PARD3B: variants seen among roughly 807,000 people sequenced by gnomAD.
PARD3B encodes the protein partitioning defective 3 homolog B.
In PARD3B, 103 loss-of-function variants were observed where a neutral mutation model predicts 130.2. The ratio of observed to expected loss-of-function variants is 0.79; its 90% CI spans 0.67 to 0.93. The LOEUF is 0.93. PARD3B is among the 40% of genes least tolerant of loss of function. PARD3B has a pLI of 0.00. For missense variants in PARD3B, 1,609 were observed against 1,499.2 expected (o/e 1.07, Z -1.21); for synonymous variants, 583 against 553.2 (o/e 1.05, Z -0.76).
intron 18 of PARD3B, among the ~76,000 whole-genome samples, chr2:205,328,797 G>T (rs2043018257): frequency 6.6e-6 from 1 of 151,984 alleles, no homozygotes; most frequent in Non-Finnish European, 1.5e-5. Context: ...GTATAATATT[G>T]TTCTTGAAGG....
At position 205,436,948 on chromosome 2, in the gene PARD3B, C is replaced by G. The variant is rs115945637; in HGVS notation, c.2742-3422C>G. On this transcript the variant is annotated intron_variant, in intron 19 of 22. Coordinates refer to ENST00000406610, the MANE Select transcript of PARD3B (RefSeq NM_001302769.2). Reference sequence around the variant, plus strand: ...TGGGAGACCTGCTCAGGGGAAATATCTCTCTTCTGTCTCTGCCTCTCCTCC... The same window carrying G: ...TGGGAGACCTGCTCAGGGGAAATATGTCTCTTCTGTCTCTGCCTCTCCTCC... Among the ~76,000 whole-genome samples the G allele has an allele frequency of 9.0e-3, 1,372 of 151,954 alleles. 22 individuals carry two copies. Among genetic ancestry groups the G allele is most frequent in the African/African-American group, 0.031 (1,294 of 41,448 alleles).
chr2:205,024,162 C>CTTTTTTTTTTTTTTTTT (rs1172893472), intron 3 of PARD3B, among the ~76,000 whole-genome samples: 5 of 98,744 alleles, frequency 5.1e-5, no homozygotes, highest in Non-Finnish European at 7.8e-5. Flanking sequence ...TTCTTTCTTT[C>CTTTTTTTTTTTTTTTTT]TTTTTTTTTT....
At chr2:204,639,884 T>C (rs561461055) in intron 1 of PARD3B, among the ~76,000 whole-genome samples, 3 of 152,288 alleles carry the variant, frequency 2.0e-5, no homozygotes, top group African/African-American at 7.2e-5. Flanking sequence ...GCATGTGACA[T>C]AGGAACACAG....
chr2:205,198,682 A>C (rs964286056), intron 15 of PARD3B, among the ~76,000 whole-genome samples: 18 of 152,116 alleles, frequency 1.2e-4, no homozygotes, highest in Admixed American at 6.6e-4. Flanking sequence ...CAGCTCAAAG[A>C]TGAGCATGAA....
chr2:205,574,069 CA>C (rs1316993025), intron 22 of PARD3B, among the ~76,000 whole-genome samples: 11 of 152,138 alleles, frequency 7.2e-5, no homozygotes, highest in Non-Finnish European at 1.3e-4. Flanking sequence ...AAAGATAAAA[CA>C]CTTATTTCAA....
chr2:204,756,048 C>T (rs1273637836), intron 2 of PARD3B, among the ~76,000 whole-genome samples: 2 of 151,968 alleles, frequency 1.3e-5, no homozygotes, highest in Non-Finnish European at 2.9e-5. Flanking sequence ...TAGTATACGT[C>T]CTGGTGGTGA....
intron 15 of PARD3B, among the ~76,000 whole-genome samples, chr2:205,224,401 GAA>G (rs1323572406): frequency 2.4e-5 from 3 of 124,630 alleles, no homozygotes; most frequent in African/African-American, 6.2e-5. Flanking sequence ...AAGAAAGAAA[GAA>G]AAAGAAAAAG....
chr2:204,844,347 G>A (rs1392835514), intron 2 of PARD3B, among the ~76,000 whole-genome samples: 1 of 152,080 alleles, frequency 6.6e-6, no homozygotes, highest in Non-Finnish European at 1.5e-5. Context: ...CTCATTCTGA[G>A]TCATTGCTTA....
intron 2 of PARD3B, among the ~76,000 whole-genome samples, chr2:204,880,949 T>C (rs1239210301): frequency 6.6e-6 from 1 of 152,120 alleles, no homozygotes; most frequent in African/African-American, 2.4e-5. Context: ...TCATATTTCA[T>C]TAAGAAAAAA....
At chr2:204,732,519 T>G (rs562412276) in intron 2 of PARD3B, among the ~76,000 whole-genome samples, 1 of 151,922 alleles carries the variant, frequency 6.6e-6, no homozygotes, top group East Asian at 1.9e-4. Context: ...TTTTTTTTTT[T>G]TTTGAGACGG....
intron 4 of PARD3B, among the ~76,000 whole-genome samples, chr2:205,097,103 G>A (rs1702445425): frequency 6.6e-6 from 1 of 152,108 alleles, no homozygotes; most frequent in African/African-American, 2.4e-5. Context: ...TCTTGCATAT[G>A]TTCAGGTATG....
chr2:205,577,334 T>C (rs369979764), intron 22 of PARD3B, among the ~76,000 whole-genome samples: 10 of 152,302 alleles, frequency 6.6e-5, no homozygotes, highest in African/African-American at 2.4e-4. Flanking sequence ...GTATATTTTT[T>C]AGTATCCTGT....
chr2:205,407,223 T>C lies in PARD3B; in HGVS notation c.2741+6100T>C, dbSNP rs1306545579. ...TTCTTAATCTCAAGTAAGAGATTTC[T>C]CAGCTTATGATGTGTCACCTCCTGT... is the stretch of plus-strand genomic sequence containing the variant. On this transcript the variant is annotated intron_variant, in intron 19 of 22. Coordinates refer to ENST00000406610, the MANE Select transcript of PARD3B (RefSeq NM_001302769.2). This position sits in a 1 kb window ranked among gnomAD's most constrained non-coding sequence, Gnocchi z 4.1. 6.6e-6 allele frequency among the ~76,000 whole-genome samples: 1 copy of C among 152,194 alleles called. No homozygotes were observed. The highest frequency in any genetic ancestry group is 1.5e-5 in the Non-Finnish European group (1 of 68,034).
chr2:204,601,808 A>G (rs942887280), intron 1 of PARD3B, among the ~76,000 whole-genome samples: 1 of 152,068 alleles, frequency 6.6e-6, no homozygotes, highest in Non-Finnish European at 1.5e-5. Flanking sequence ...TTCAAAGGCA[A>G]GATTTCATCT....
intron 2 of PARD3B, among the ~76,000 whole-genome samples, chr2:204,869,839 A>C (rs762607223): frequency 2.6e-5 from 4 of 152,154 alleles, no homozygotes; most frequent in Non-Finnish European, 5.9e-5. Context: ...ATTGTTTTAA[A>C]GATATGTGTC....
rs565920313 is a variant in PARD3B at position 205,289,846 on chromosome 2, G to A, written c.2186-10684G>A. 3.3e-5 allele frequency among the ~76,000 whole-genome samples: 5 copies of A among 152,300 alleles called. No individual in the cohort carries two copies. In the South Asian group the frequency reaches 8.3e-4, roughly 25 times the overall value. ...GAGCCCCCTCAACGTGTGATGCCCT[G>A]TGCTGCCTTGGGACTCTGCAGAGAG... is the stretch of plus-strand genomic sequence containing the variant. On this transcript the variant is annotated intron_variant, in intron 16 of 22. Transcript: ENST00000406610.
At chr2:205,054,718 A>G (rs539569067) in intron 4 of PARD3B, among the ~76,000 whole-genome samples, 1 of 151,870 alleles carries the variant, frequency 6.6e-6, no homozygotes, top group African/African-American at 2.4e-5. Flanking sequence ...CTAATCCCTT[A>G]GATGCCCAAG....
chr2:205,240,482 G>A (rs1279718106), intron 15 of PARD3B, among the ~76,000 whole-genome samples: 1 of 152,082 alleles, frequency 6.6e-6, no homozygotes, highest in Admixed American at 6.6e-5. Flanking sequence ...GACTACCATT[G>A]CATCATATTT....
intron 2 of PARD3B, among the ~76,000 whole-genome samples, chr2:204,724,854 G>A (rs1487301967): frequency 6.8e-6 from 1 of 146,942 alleles, no homozygotes; most frequent in Non-Finnish European, 1.5e-5. Flanking sequence ...GGGGTGGGTA[G>A]GGGGAAGACA....
Sources: gnomAD v4.1 joint callset for allele counts (sites outside exome capture counted in the v4.1 genomes callset) on GRCh38, gnomAD v4.1.1 for gene constraint, Gnocchi (gnomAD v3.1) non-coding constraint, MANE v1.5 for transcripts, NCBI Gene and HGNC (gene_info 2026-07-23, HGNC 2026-07-21) for gene names.